The following HAVCR1 variants were observed in gnomAD, a reference collection of about 807,000 sequenced individuals.
HAVCR1 encodes the protein T cell immunoglobin domain and mucin domain protein 1.
HAVCR1 carries 34 observed loss-of-function variants against 32.0 expected under a neutral mutation model. That is an observed-to-expected ratio of 1.06 (90% confidence interval 0.81 to 1.42). HAVCR1 has a LOEUF of 1.42. Ranked by LOEUF, HAVCR1 falls within the 40% of genes most tolerant of loss-of-function variation. HAVCR1 has a pLI of 0.00. For missense variants in HAVCR1, 420 were observed against 442.3 expected (o/e 0.95, Z 0.45); for synonymous variants, 178 against 170.3 (o/e 1.05, Z -0.35).
At chr5:157,064,652 A>C in the HAVCR1 span, among the ~76,000 whole-genome samples, 2 of 152,192 alleles carry the variant, frequency 1.3e-5, no homozygotes, top group African/African-American at 4.8e-5. Flanking sequence ...GGATCACCTG[A>C]GGTCAGGAGT....
chr5:157,048,694 G>A (rs956117777), intron 5 of HAVCR1, among the ~76,000 whole-genome samples: 15 of 152,160 alleles, frequency 9.9e-5, no homozygotes, highest in Non-Finnish European at 1.9e-4. Flanking sequence ...GCCGGGCGTG[G>A]TGGCGGGCGC....
the HAVCR1 span, among the ~76,000 whole-genome samples, chr5:157,067,424 T>A: frequency 2.6e-5 from 4 of 152,052 alleles, no homozygotes; most frequent in African/African-American, 9.7e-5. Context: ...GCTCAATAAT[T>A]TCTAACACAT....
At chr5:157,058,238 G>C (rs549682453) in intron 1 of HAVCR1, 31 of 352,056 alleles carry the variant, frequency 8.8e-5, no homozygotes, top group African/African-American at 6.5e-4. Flanking sequence ...ACTGACTCCT[G>C]GTCCTGATAC....
chr5:157,044,484 GAAGGAAGGAAGGAAGGA>G (rs1291515811), intron 5 of HAVCR1, among the ~76,000 whole-genome samples: 1 of 39,806 alleles, frequency 2.5e-5, no homozygotes, highest in African/African-American at 9.8e-5. Flanking sequence ...AGGAAGGAAG[GAAGGAAGGAAGGAAGGA>G]AGGAAGGAGG....
chr5:157,037,839 C>T (rs1213275259), intron 6 of HAVCR1, among the ~76,000 whole-genome samples: 1 of 152,008 alleles, frequency 6.6e-6, no homozygotes, highest in African/African-American at 2.4e-5. Context: ...CATGGTGAAA[C>T]CCCATCTCTA....
At chr5:157,067,401 C>A in the HAVCR1 span, among the ~76,000 whole-genome samples, 2 of 152,310 alleles carry the variant, frequency 1.3e-5, no homozygotes, top group Non-Finnish European at 2.9e-5. Context: ...CTTATACTCA[C>A]TAATCTTTGC....
chr5:157,059,209 A>AT (rs1202000903), upstream of HAVCR1: 3 of 152,264 alleles, frequency 2.0e-5, no homozygotes, highest in African/African-American at 7.2e-5. Context: ...GCTGTTAATC[A>AT]TTAAACCATA....
intron 6 of HAVCR1, among the ~76,000 whole-genome samples, chr5:157,038,147 T>C (rs1425401629): frequency 2.0e-5 from 3 of 152,274 alleles, no homozygotes; most frequent in Non-Finnish European, 4.4e-5. Flanking sequence ...ATTCTGTCTC[T>C]ATCTAAATAA....
At chr5:157,058,127 T>G in intron 1 of HAVCR1, 172 bp from the exon 2 acceptor site, 1 of 587,480 alleles carries the variant, frequency 1.7e-6, no homozygotes, top group Non-Finnish European at 3.1e-6. Context: ...GCTCTGTTAG[T>G]TCCCTGCAGC....
At chr5:157,043,063 G>A (rs186461869) in intron 5 of HAVCR1, among the ~76,000 whole-genome samples, 4 of 152,292 alleles carry the variant, frequency 2.6e-5, no homozygotes, top group Non-Finnish European at 4.4e-5. Context: ...AGCTGTAAAT[G>A]AATGGTCAGA....
intron 8 of HAVCR1, 80 bp from the exon 9 acceptor site, chr5:157,029,921 T>C: frequency 8.3e-7 from 1 of 1,202,278 alleles, no homozygotes; most frequent in Non-Finnish European, 1.2e-6. Context: ...CACTTTTGTT[T>C]ATGATCAGGC....
chr5:157,029,836 G>A lies in HAVCR1; in HGVS notation c.992C>T (p.Ser331Leu), dbSNP rs1202177280. 6.2e-7 allele frequency: 1 copy of A among 1,611,694 alleles called. No homozygotes were observed. Residue 331 changes from serine (S) to leucine (L), a missense_variant, in exon 9 of 9, where the codon TCA (serine) becomes TTA (leucine). Transcript: ENST00000523175. ...AGCTTTAATTTGAAGGCTGCTAAAT[G>A]AAACACTGTAGAAAGAGTTGTTGAA... ...FKKEVQQLSV[S>L]FSSLQIKALQ...
chr5:157,042,610 G>A lies in HAVCR1; in HGVS notation c.837+17C>T. The A allele has an allele frequency of 2.0e-6, 3 of 1,520,776 alleles. No homozygotes were observed. The highest frequency in any genetic ancestry group is 2.7e-6 in the Non-Finnish European group (3 of 1,097,912). 94.2% of individuals were successfully genotyped at this position (1,520,776 alleles called of 1,614,324 possible). ...ACAAGTGAATCTGGCTAATCAAATA[G>A]GGCGGAATATGCTTACAGTTTGATT... On this transcript the variant is annotated intron_variant, in intron 6 of 8. Coordinates refer to ENST00000523175, the MANE Select transcript of HAVCR1 (RefSeq NM_001173393.3).
chr5:157,044,583 G>GA lies in HAVCR1; in HGVS notation c.782-1902dup, dbSNP rs1210263693. On this transcript the variant is annotated intron_variant, in intron 5 of 8. Coordinates refer to ENST00000523175, the MANE Select transcript of HAVCR1 (RefSeq NM_001173393.3). ...GGAGAGAGAAAGAAAGACAAAGAAA[G>GA]AAGGAAAGAAAGAAAGAAAGAAAGA... 1.4e-3 allele frequency among the ~76,000 whole-genome samples: 87 copies of GA among 61,310 alleles called. 3 individuals are homozygous for GA. Among genetic ancestry groups the GA allele is most frequent in the African/African-American group, 6.1e-3 (82 of 13,546 alleles). The allele number at this position is 61,310 out of a possible 152,430, so 40.2% of individuals were successfully genotyped here.
At chr5:157,037,450 T>C (rs948874994) in intron 6 of HAVCR1, 89 bp from the exon 7 acceptor site, 49 of 689,818 alleles carry the variant, frequency 7.1e-5, no homozygotes, top group East Asian at 6.4e-4. Flanking sequence ...CAGCCACATT[T>C]ACCTGTATTG....
upstream of HAVCR1, among the ~76,000 whole-genome samples, chr5:157,062,533 T>G (rs1756510711): frequency 6.6e-6 from 1 of 152,162 alleles, no homozygotes; most frequent in African/African-American, 2.4e-5. Context: ...CAGCAAGATC[T>G]TCTTAGGCCC....
chr5:157,063,199 G>C (rs946859599), upstream of HAVCR1, among the ~76,000 whole-genome samples: 1 of 145,858 alleles, frequency 6.9e-6, no homozygotes, highest in Admixed American at 6.9e-5. Flanking sequence ...ACAATTATTT[G>C]TTGATGATCT....
At chr5:157,050,755 G>GT (rs1157658842) in intron 4 of HAVCR1, among the ~76,000 whole-genome samples, 2 of 152,208 alleles carry the variant, frequency 1.3e-5, no homozygotes, top group African/African-American at 4.8e-5. Context: ...AGACTCTCTA[G>GT]TGTGTGCGGC....
Position 157,044,607 on chromosome 5 carries a change from G to GAAAGAGAAAGAAAA in HAVCR1, c.782-1926_782-1925insTTTTCTTTCTCTTT, listed in dbSNP as rs1755206227. Reference sequence around the variant, plus strand: ...AGAAGGAAAGAAAGAAAGAAAGAAAGAAAGAAAGAGAAAGAAAGAAAGAAA... The same window carrying GAAAGAGAAAGAAAA: ...AGAAGGAAAGAAAGAAAGAAAGAAAGAAAGAGAAAGAAAAAAAGAAAGAGAAAGAAAGAAAGAAA... On this transcript the variant is annotated intron_variant, in intron 5 of 8. Transcript: ENST00000523175. Among the ~76,000 whole-genome samples, 10 of 70,250 alleles carry GAAAGAGAAAGAAAA rather than the reference G, an allele frequency of 1.4e-4. 1 individual carries two copies. Among genetic ancestry groups the GAAAGAGAAAGAAAA allele is most frequent in the African/African-American group, 6.5e-4 (10 of 15,450 alleles). The allele number at this position is 70,250 out of a possible 152,430, so 46.1% of individuals were successfully genotyped here.
Sources: gnomAD v4.1 joint callset for allele counts (sites outside exome capture counted in the v4.1 genomes callset) on GRCh38, gnomAD v4.1.1 for gene constraint, MANE v1.5 for transcripts, NCBI Gene and HGNC (gene_info 2026-07-23, HGNC 2026-07-21) for gene names.